The following MARCO variants were observed in gnomAD, a reference collection of about 807,000 sequenced individuals.
The protein encoded by MARCO is macrophage receptor with collagenous structure.
MARCO carries 72 observed loss-of-function variants against 70.0 expected under a neutral mutation model. The ratio of observed to expected loss-of-function variants is 1.03; its 90% CI spans 0.85 to 1.25. MARCO has a LOEUF of 1.25. Among genes scored for constraint, MARCO ranks in the 50% most tolerant of loss-of-function variants. The probability of loss-of-function intolerance (pLI) is 0.00; values close to 1 mark genes in which losing one functional copy is unlikely to be tolerated. For synonymous variants in MARCO, 273 were observed against 243.1 expected, an observed-to-expected ratio of 1.12 and a Z score of -1.14; for missense variants, 696 against 659.3, an observed-to-expected ratio of 1.06 and a Z score of -0.61.
At chr2:118,971,615 G>C in intron 4 of MARCO, 81 bp downstream of exon 4, 3 of 1,437,928 alleles carry the variant, frequency 2.1e-6, no homozygotes, top group Non-Finnish European at 2.9e-6. Context: ...TGCCATTCTG[G>C]GTCTGGACAG....
At chr2:118,988,555 T>G (rs1393303838) in intron 12 of MARCO, among the ~76,000 whole-genome samples, 1 of 152,032 alleles carries the variant, frequency 6.6e-6, no homozygotes, top group Non-Finnish European at 1.5e-5. Context: ...AATCTCTACC[T>G]TAAGAGCGTG....
At chr2:118,978,035 A>G (rs1680320208) in intron 8 of MARCO, 100 bp downstream of exon 8, 2 of 700,646 alleles carry the variant, frequency 2.9e-6, no homozygotes, top group Non-Finnish European at 4.9e-6. Flanking sequence ...CACTGAGGGC[A>G]AGGCAGTGCT....
chr2:118,981,329 G>T, intron 8 of MARCO, 80 bp from the exon 9 acceptor site: 1 of 896,236 alleles, frequency 1.1e-6, no homozygotes. Flanking sequence ...GATTTCAGTG[G>T]AATGGGAAGT....
intron 4 of MARCO, among the ~76,000 whole-genome samples, 167 bp downstream of exon 4, chr2:118,971,701 T>C (rs1297660089): frequency 1.3e-5 from 2 of 152,210 alleles, no homozygotes; most frequent in East Asian, 3.9e-4. Flanking sequence ...TTCCCAGAAC[T>C]TAACTGGACT....
chr2:118,986,698 AAAG>A (rs1469064201), intron 12 of MARCO, among the ~76,000 whole-genome samples: 3 of 112,092 alleles, frequency 2.7e-5, no homozygotes, highest in Admixed American at 2.5e-4. Flanking sequence ...AGAAAGAAAG[AAAG>A]AAAGAAAGAA....
chr2:118,986,613 GAAAGAAA>G (rs1680494329), intron 12 of MARCO, among the ~76,000 whole-genome samples: 3 of 20,392 alleles, frequency 1.5e-4, no homozygotes, highest in Admixed American at 5.5e-4. Context: ...AAGAAAGAAA[GAAAGAAA>G]GAAAGAAAGA....
rs766366636 is a variant in MARCO, at chr2:118,971,525, G to A, written c.451G>A (p.Gly151Ser). The change falls in exon 4 of 17, where the codon GGC (glycine) becomes AGC (serine). Residue 151 changes from glycine (G) to serine (S), a missense_variant. Transcript: ENST00000327097. Reference protein sequence around the residue: ...PGMFRIKGEQGAPGLQGHKGA... With the variant: ...PGMFRIKGEQSAPGLQGHKGA... Reference sequence around the variant, plus strand: ...GATGTTCAGAATCAAAGGTGAACAAGGCGCCCCAGGTAGGTTCATTTCCAC... The same window carrying A: ...GATGTTCAGAATCAAAGGTGAACAAAGCGCCCCAGGTAGGTTCATTTCCAC... 6.2e-7 allele frequency: 1 copy of A among 1,613,962 alleles called. No individual in the cohort carries two copies. Among genetic ancestry groups the A allele is most frequent in the Non-Finnish European group, 8.5e-7 (1 of 1,179,916 alleles).
chr2:118,942,729 C>T (rs1679528146), intron 1 of MARCO, among the ~76,000 whole-genome samples: 1 of 151,852 alleles, frequency 6.6e-6, no homozygotes, highest in Non-Finnish European at 1.5e-5. Flanking sequence ...TTGGGTGATA[C>T]AATGAAAACG....
intron 1 of MARCO, 105 bp from the exon 2 acceptor site, chr2:118,969,055 C>G (rs988903391): frequency 1.3e-6 from 1 of 779,348 alleles, no homozygotes; most frequent in African/African-American, 1.7e-5. Flanking sequence ...CCCAGCTGAC[C>G]TCACAGGGTG....
chr2:118,951,987 G>A (rs565644114), intron 1 of MARCO, among the ~76,000 whole-genome samples: 1 of 151,806 alleles, frequency 6.6e-6, no homozygotes, highest in East Asian at 1.9e-4. Flanking sequence ...CCTCTCTGCT[G>A]GTCTTTCCCT....
In MARCO at chr2:118,970,294, A is replaced by T. The variant is rs374351269; in HGVS notation, c.380A>T (p.His127Leu). Residue 127 changes from histidine to leucine, a missense_variant, in exon 3 of 17, where the codon CAT becomes CTT. By Grantham distance (99) the His-to-Leu change is moderately conservative. This residue lies in a region of MARCO where 605 missense variants were observed against 537.6 expected (regional missense o/e 1.13). Transcript: ENST00000327097. ...CAACTCACCTGGGTCCGCGTCAGCC[A>T]TGAGCACTTGCTGCAGCGGGTAGAC... is the stretch of plus-strand genomic sequence containing the variant. Reference protein sequence around the residue: ...QAQLTWVRVSHEHLLQRVDNF... With the variant: ...QAQLTWVRVSLEHLLQRVDNF... 4 of 1,613,954 alleles carry T rather than the reference A, an allele frequency of 2.5e-6. No individual in the cohort carries two copies. Among genetic ancestry groups the T allele is most frequent in the Non-Finnish European group, 2.5e-6 (3 of 1,180,016 alleles).
At chr2:118,945,727 A>T (rs1157299068) in intron 1 of MARCO, among the ~76,000 whole-genome samples, 2 of 151,940 alleles carry the variant, frequency 1.3e-5, no homozygotes, top group Admixed American at 6.6e-5. Context: ...GGGACCTCTT[A>T]CTCCAATCTC....
chr2:118,950,983 T>G (rs2104550133), intron 1 of MARCO, among the ~76,000 whole-genome samples: 1 of 152,374 alleles, frequency 6.6e-6, no homozygotes, highest in Non-Finnish European at 1.5e-5. Flanking sequence ...TATCCTTTGC[T>G]ATTAATAAGA....
chr2:118,992,962 G>A (rs1024357712), intron 15 of MARCO, 162 bp from the exon 16 acceptor site: 8 of 660,212 alleles, frequency 1.2e-5, no homozygotes, highest in Non-Finnish European at 2.1e-5. Flanking sequence ...TGCCAGGTTG[G>A]GTTGGCACTG....
At chr2:118,950,129 T>C (rs1679692069) in intron 1 of MARCO, among the ~76,000 whole-genome samples, 1 of 152,240 alleles carries the variant, frequency 6.6e-6, no homozygotes, top group South Asian at 2.1e-4. Flanking sequence ...CAGTGCTTCG[T>C]ATATGATTTT....
chr2:118,961,989 T>A (rs1202866459), intron 1 of MARCO, among the ~76,000 whole-genome samples: 1 of 152,216 alleles, frequency 6.6e-6, no homozygotes, highest in Non-Finnish European at 1.5e-5. Context: ...CTTTCCCCAT[T>A]GCTTGTTTTT....
At chr2:118,962,518 G>A (rs867480364) in intron 1 of MARCO, among the ~76,000 whole-genome samples, 2 of 151,840 alleles carry the variant, frequency 1.3e-5, no homozygotes, top group Admixed American at 1.3e-4. Context: ...TTCTCTGCTT[G>A]CCTTTTACTG....
intron 10 of MARCO, 75 bp from the exon 11 acceptor site, chr2:118,982,081 C>T: frequency 9.7e-7 from 1 of 1,031,882 alleles, no homozygotes. Flanking sequence ...CTGCTGAAAA[C>T]AGAAGCACTG....
intron 1 of MARCO, among the ~76,000 whole-genome samples, chr2:118,966,676 T>C (rs928303107): frequency 3.9e-5 from 6 of 152,214 alleles, no homozygotes; most frequent in Non-Finnish European, 7.3e-5. Context: ...GCTCTGACCA[T>C]ATGGTTTCAA....
Sources: allele counts gnomAD v4.1 joint callset (sites outside exome capture counted in the v4.1 genomes callset), GRCh38; gene constraint gnomAD v4.1.1; regional missense constraint gnomAD v4.1.1; transcripts MANE v1.5; gene names NCBI Gene and HGNC (gene_info 2026-07-23, HGNC 2026-07-21).